Variants in CDK14 observed in about 807,000 individuals in gnomAD.
CDK14 encodes cyclin-dependent kinase 14.
In CDK14, 34 loss-of-function variants were observed where a neutral mutation model predicts 60.7. The observed-to-expected ratio is 0.56, with a 90% CI of 0.43 to 0.75. CDK14 has a LOEUF of 0.75. CDK14 is among the 30% of genes least tolerant of loss of function. The probability of loss-of-function intolerance (pLI) is 0.00; values close to 1 mark genes in which losing one functional copy is unlikely to be tolerated. For synonymous variants in CDK14, 197 were observed against 203.7 expected, an observed-to-expected ratio of 0.97 and a Z score of 0.28; for missense variants, 482 against 564.1, an observed-to-expected ratio of 0.85 and a Z score of 1.47.
intron 11 of CDK14, among the ~76,000 whole-genome samples, chr7:91,066,473 GTCTT>G (rs1271034849): frequency 6.6e-6 from 1 of 152,162 alleles, no homozygotes; most frequent in Non-Finnish European, 1.5e-5. Context: ...TTTTATTCAT[GTCTT>G]TCTGTCATTG....
At chr7:90,944,090 A>G (rs1289025822) in intron 8 of CDK14, among the ~76,000 whole-genome samples, 1 of 152,174 alleles carries the variant, frequency 6.6e-6, no homozygotes, top group Non-Finnish European at 1.5e-5. Context: ...TGCACACTTC[A>G]TCCTTCCACT....
rs117884655 is a variant in CDK14, at chr7:90,800,050, A to T, written c.544+9398A>T. 1.4e-4 allele frequency among the ~76,000 whole-genome samples: 22 copies of T among 152,332 alleles called. No homozygotes were observed. In the East Asian group the frequency reaches 4.0e-3, roughly 28 times the overall value. The stretch of plus-strand genomic sequence containing the variant: ...CATGTAGAGGAAAAGGGGACCTCTC[A>T]TGGTAAACTCTGTAGTATTGAACTT... On this transcript the variant is annotated intron_variant, in intron 5 of 14. Coordinates refer to ENST00000380050, the MANE Select transcript of CDK14 (RefSeq NM_001287135.2).
chr7:90,696,326 A>ACTT (rs149069653), intron 2 of CDK14, among the ~76,000 whole-genome samples: 19,608 of 88,056 alleles, frequency 0.22, 2,341 homozygotes, highest in South Asian at 0.31. Context: ...TTGGTTTTGT[A>ACTT]CTTCTTCTTC....
intron 9 of CDK14, among the ~76,000 whole-genome samples, chr7:90,957,248 C>T (rs1023039112): frequency 1.1e-4 from 16 of 152,070 alleles, no homozygotes; most frequent in African/African-American, 3.9e-4. Context: ...AAAAGTGTTC[C>T]TATTTCTCCA....
intron 10 of CDK14, among the ~76,000 whole-genome samples, chr7:90,984,961 C>A (rs1177555560): frequency 1.3e-5 from 2 of 152,072 alleles, no homozygotes; most frequent in African/African-American, 4.8e-5. Flanking sequence ...CATGACAAGT[C>A]AATGTTATGT....
chr7:90,838,189 T>C (rs1790176417), intron 5 of CDK14, among the ~76,000 whole-genome samples: 1 of 152,158 alleles, frequency 6.6e-6, no homozygotes, highest in South Asian at 2.1e-4. Flanking sequence ...TTATGCCTGT[T>C]TTACTGCAAT....
chr7:90,789,366 A>G (rs534690484), intron 4 of CDK14, among the ~76,000 whole-genome samples: 1 of 152,242 alleles, frequency 6.6e-6, no homozygotes, highest in African/African-American at 2.4e-5. Flanking sequence ...ATGTGTATAT[A>G]TATGTGTGAT....
intron 2 of CDK14, among the ~76,000 whole-genome samples, chr7:90,702,000 G>C (rs1801796306): frequency 6.6e-6 from 1 of 152,136 alleles, no homozygotes; most frequent in African/African-American, 2.4e-5. Context: ...GAGGGGAGGG[G>C]CGCAACTGAG....
At chr7:91,013,287 G>C (rs1796212200) in intron 10 of CDK14, among the ~76,000 whole-genome samples, 1 of 151,772 alleles carries the variant, frequency 6.6e-6, no homozygotes, top group South Asian at 2.1e-4. Context: ...AGATAGACCA[G>C]CTAGTATTAA....
At chr7:91,093,727 A>G (rs116201855) in intron 12 of CDK14, among the ~76,000 whole-genome samples, 4,260 of 152,228 alleles carry the variant, frequency 0.028, 199 homozygotes, top group African/African-American at 0.095. Flanking sequence ...ATGCACTCAC[A>G]TGTTCATCGT....
At chr7:91,084,508 C>T (rs1798574674) in intron 12 of CDK14, among the ~76,000 whole-genome samples, 1 of 152,236 alleles carries the variant, frequency 6.6e-6, no homozygotes, top group African/African-American at 2.4e-5. Flanking sequence ...CACTCACACC[C>T]TACCAGTGAG....
chr7:90,895,354 T>TCTCCTCCCCTCCCCTCCCCTCC (rs1792270693), intron 6 of CDK14, among the ~76,000 whole-genome samples: 2 of 39,468 alleles, frequency 5.1e-5, no homozygotes, highest in Non-Finnish European at 1.0e-4. Context: ...TCCTCTCCTC[T>TCTCCTCCCCTCCCCTCCCCTCC]CCTCACCTCT....
chr7:90,917,659 A>C lies in CDK14; in HGVS notation c.761A>C (p.His254Pro), dbSNP rs762051742. ...TACATCCACCAGCGTTATATTTTGC[A>C]CAGAGACCTGAAACCACAGAACCTT... is the stretch of plus-strand genomic sequence containing the variant. Reference protein sequence around the residue: ...LSYIHQRYILHRDLKPQNLLI... With the variant: ...LSYIHQRYILPRDLKPQNLLI... Residue 254 changes from histidine (H) to proline (P), a missense_variant, in exon 8 of 15, where the codon CAC (histidine) becomes CCC (proline). Physicochemically the swap from His to Pro is moderately conservative, Grantham distance 77. Coordinates refer to ENST00000380050, the MANE Select transcript of CDK14 (RefSeq NM_001287135.2). 3 of 1,613,686 alleles carry C rather than the reference A, an allele frequency of 1.9e-6. No individual in the cohort carries two copies. Among genetic ancestry groups the C allele is most frequent in the South Asian group, 1.1e-5 (1 of 91,070 alleles).
chr7:91,155,596 A>G (rs900773520), intron 14 of CDK14, among the ~76,000 whole-genome samples: 16 of 152,236 alleles, frequency 1.1e-4, no homozygotes, highest in African/African-American at 3.9e-4. Flanking sequence ...CTTATTCACT[A>G]TCATCTTTGA....
chr7:91,135,297 T>C (rs1000377883), intron 14 of CDK14, among the ~76,000 whole-genome samples: 3 of 152,160 alleles, frequency 2.0e-5, no homozygotes, highest in Non-Finnish European at 2.9e-5. Context: ...AATGAATGCC[T>C]CACTTGTTGG....
At chr7:90,640,711 G>A (rs1015519845) in intron 2 of CDK14, among the ~76,000 whole-genome samples, 8 of 152,016 alleles carry the variant, frequency 5.3e-5, no homozygotes, top group African/African-American at 1.2e-4. Flanking sequence ...GATCATCAGA[G>A]TGTTCTAAAG....
At chr7:90,708,057 G>A (rs1404144548) in intron 2 of CDK14, among the ~76,000 whole-genome samples, 1 of 152,186 alleles carries the variant, frequency 6.6e-6, no homozygotes, top group Non-Finnish European at 1.5e-5. Context: ...ACGAATGTTA[G>A]GGGAAAGGGG....
chr7:90,747,871 CA>C (rs1803657158), intron 4 of CDK14, 96 bp downstream of exon 4: 2 of 298,752 alleles, frequency 6.7e-6, no homozygotes, highest in East Asian at 1.5e-4. Context: ...ATTTAATATA[CA>C]ATAGATTTTC....
intron 11 of CDK14, among the ~76,000 whole-genome samples, chr7:91,062,386 C>T (rs1412934337): frequency 6.6e-6 from 1 of 152,116 alleles, no homozygotes; most frequent in African/African-American, 2.4e-5. Flanking sequence ...GGCTCACACT[C>T]AGTGCACTGC....
Sources: gnomAD v4.1 joint callset for allele counts (sites outside exome capture counted in the v4.1 genomes callset) on GRCh38, gnomAD v4.1.1 for gene constraint, MANE v1.5 for transcripts, NCBI Gene and HGNC (gene_info 2026-07-23, HGNC 2026-07-21) for gene names.